Variants in LRRC3B observed in about 807,000 individuals in gnomAD.
LRRC3B encodes leucine rich repeat containing 3B, also known as leucine-rich repeat-containing protein 3B.
Under a neutral mutation model 12.8 loss-of-function variants are expected in LRRC3B, and 2 were observed. The observed-to-expected ratio is 0.16, with a 90% CI of 0.06 to 0.49. The LOEUF is 0.49. LRRC3B is among the 20% of genes least tolerant of loss of function. LRRC3B has a pLI of 0.96. For missense variants in LRRC3B, 189 were observed against 319.4 expected (o/e 0.59, Z 3.11); for synonymous variants, 132 against 122.0 (o/e 1.08, Z -0.54).
chr3:26,664,406 G>A (rs538160190), intron 1 of LRRC3B, among the ~76,000 whole-genome samples: 45 of 152,120 alleles, frequency 3.0e-4, no homozygotes, highest in African/African-American at 1.0e-3. Flanking sequence ...TTTTCTAGGG[G>A]CAGAGAAAGT....
chr3:26,644,287 A>G (rs1699096241), intron 1 of LRRC3B, among the ~76,000 whole-genome samples: 1 of 152,222 alleles, frequency 6.6e-6, no homozygotes, highest in Admixed American at 6.5e-5. Context: ...TTGTTCTAAC[A>G]AATTCAGAAG....
At chr3:26,697,763 C>T (rs1266722466) in intron 1 of LRRC3B, among the ~76,000 whole-genome samples, 1 of 152,116 alleles carries the variant, frequency 6.6e-6, no homozygotes, top group Admixed American at 6.6e-5. Context: ...GCATTTAAAT[C>T]AGATGTGCAA....
rs1426210052 is a variant in LRRC3B, at chr3:26,685,631, A to ATATC, written c.-160-23878_-160-23875dup. On this transcript the variant is annotated intron_variant, in intron 1 of 1. Transcript: ENST00000396641. Reference sequence around the variant, plus strand: ...TGTGTGTGTGTATATATATATATATATATCTATATACCTCATTTTTAAAAA... The same window carrying ATATC: ...TGTGTGTGTGTATATATATATATATATATCTATCTATATACCTCATTTTTAAAAA... 3.4e-5 allele frequency among the ~76,000 whole-genome samples: 3 copies of ATATC among 88,754 alleles called. No individual in the cohort carries two copies. The Admixed American group carries it at 4.6e-4, about 14-fold the overall frequency. The allele number at this position is 88,754 out of a possible 152,430, so 58.2% of individuals were successfully genotyped here.
chr3:26,659,911 A>G (rs1446956859), intron 1 of LRRC3B, among the ~76,000 whole-genome samples: 1 of 152,200 alleles, frequency 6.6e-6, no homozygotes, highest in Non-Finnish European at 1.5e-5. Flanking sequence ...AAGGTGTTTC[A>G]TGAGGAAAGT....
At position 26,656,497 on chromosome 3, in the gene LRRC3B, C is replaced by T. The variant is rs9837814; in HGVS notation, c.-161+33260C>T. ...AGCCACAAGGCAACAAAGAGGAGCACGCATAGGATGATTTTATGGACCAAG... is the reference window on the plus strand; with the variant it reads ...AGCCACAAGGCAACAAAGAGGAGCATGCATAGGATGATTTTATGGACCAAG... On this transcript the variant is annotated intron_variant, in intron 1 of 1. Transcript: ENST00000396641. Among the ~76,000 whole-genome samples the T allele has an allele frequency of 4.7e-3, 711 of 152,230 alleles. 3 individuals are homozygous for T. The highest frequency in any genetic ancestry group is 0.016 in the African/African-American group (662 of 41,538).
intron 1 of LRRC3B, among the ~76,000 whole-genome samples, chr3:26,655,281 A>G (rs970787785): frequency 1.1e-4 from 16 of 152,248 alleles, no homozygotes; most frequent in East Asian, 3.8e-4. Context: ...GCCTATAGTC[A>G]TAGAGCAAAC....
At chr3:26,699,367 A>G (rs1339145302) in intron 1 of LRRC3B, among the ~76,000 whole-genome samples, 1 of 152,154 alleles carries the variant, frequency 6.6e-6, no homozygotes, top group African/African-American at 2.4e-5. Context: ...CTGTGAGACC[A>G]ATGAGGTGGA....
intron 1 of LRRC3B, among the ~76,000 whole-genome samples, chr3:26,677,063 G>A (rs1220385261): frequency 6.6e-6 from 1 of 152,140 alleles, no homozygotes; most frequent in Non-Finnish European, 1.5e-5. Context: ...TCTTATTCTA[G>A]CTCCATCAGT....
rs182698056 is a variant in LRRC3B, at chr3:26,674,845, C to T, written c.-160-34668C>T. 8.2e-3 allele frequency among the ~76,000 whole-genome samples: 1,250 copies of T among 152,110 alleles called. 11 individuals are homozygous for T. The highest frequency in any genetic ancestry group is 0.013 in the African/African-American group (525 of 41,416). On this transcript the variant is annotated intron_variant, in intron 1 of 1. Coordinates refer to ENST00000396641, the Ensembl canonical transcript of LRRC3B. ...TGTTTTCCTTCTCAGTGAGGTTGCC[C>T]GGCCTAATACCTGGGTGTCAGTGTA... is the stretch of plus-strand genomic sequence containing the variant.
chr3:26,658,522 A>C (rs1410542689), intron 1 of LRRC3B, among the ~76,000 whole-genome samples: 2 of 152,180 alleles, frequency 1.3e-5, no homozygotes, highest in African/African-American at 4.8e-5. Flanking sequence ...ATTTCTAACA[A>C]GTTTTCCAGG....
intron 1 of LRRC3B, among the ~76,000 whole-genome samples, chr3:26,693,557 G>T (rs1265607049): frequency 6.6e-6 from 1 of 152,126 alleles, no homozygotes; most frequent in Admixed American, 6.6e-5. Context: ...GAGGAATCAT[G>T]GAAGTCAGTT....
chr3:26,656,781 T>C (rs1327384714), intron 1 of LRRC3B, among the ~76,000 whole-genome samples: 1 of 152,210 alleles, frequency 6.6e-6, no homozygotes, highest in Non-Finnish European at 1.5e-5. Context: ...AATCAATGGC[T>C]CCTGTTGCTT....
intron 1 of LRRC3B, among the ~76,000 whole-genome samples, chr3:26,697,891 AT>A (rs1408155384): frequency 2.6e-5 from 4 of 152,200 alleles, no homozygotes; most frequent in Non-Finnish European, 5.9e-5. Context: ...CATCAGAATT[AT>A]GCTCTTCATA....
intron 1 of LRRC3B, among the ~76,000 whole-genome samples, chr3:26,667,834 T>C (rs1699639001): frequency 6.6e-6 from 1 of 152,094 alleles, no homozygotes; most frequent in South Asian, 2.1e-4. Flanking sequence ...AGCCCGGGCA[T>C]TGGGAGGCAA....
chr3:26,653,733 T>C (rs537551213), intron 1 of LRRC3B, among the ~76,000 whole-genome samples: 57 of 152,310 alleles, frequency 3.7e-4, no homozygotes, highest in African/African-American at 1.4e-3. Context: ...ATTTTCACCA[T>C]GAATTATAAT....
chr3:26,698,615 AACTTTCAG>A (rs1700377665), intron 1 of LRRC3B, among the ~76,000 whole-genome samples: 1 of 152,138 alleles, frequency 6.6e-6, no homozygotes, highest in African/African-American at 2.4e-5. Context: ...AAAAATTTGA[AACTTTCAG>A]ACAAGTTGAA....
At chr3:26,703,279 G>A (rs540803653) in intron 1 of LRRC3B, among the ~76,000 whole-genome samples, 63 of 152,106 alleles carry the variant, frequency 4.1e-4, no homozygotes, top group Middle Eastern at 3.4e-3. Context: ...CTAATTTTGG[G>A]AATATTGCAT....
intron 1 of LRRC3B, among the ~76,000 whole-genome samples, chr3:26,691,732 A>G (rs529421220): frequency 2.1e-4 from 32 of 152,090 alleles, no homozygotes; most frequent in African/African-American, 7.0e-4. Context: ...TTGATAGCCT[A>G]CTCTTCAGTC....
At chr3:26,640,354 A>C (rs888450787) in intron 1 of LRRC3B, among the ~76,000 whole-genome samples, 3 of 151,930 alleles carry the variant, frequency 2.0e-5, no homozygotes, top group Non-Finnish European at 4.4e-5. Flanking sequence ...TGGCACTAGG[A>C]ATCTACTTTA....
Sources: gnomAD v4.1 joint callset for allele counts (sites outside exome capture counted in the v4.1 genomes callset) on GRCh38, gnomAD v4.1.1 for gene constraint, MANE v1.5 for transcripts, NCBI Gene and HGNC (gene_info 2026-07-23, HGNC 2026-07-21) for gene names.